Variants in MMRN1 observed in about 807,000 individuals in gnomAD.
MMRN1 encodes the protein multimerin 1.
In MMRN1, 94 loss-of-function variants were observed where a neutral mutation model predicts 100.7. The observed-to-expected ratio is 0.93, with a 90% CI of 0.79 to 1.11. The LOEUF is 1.11. Among genes scored for constraint, MMRN1 ranks in the 50% least tolerant of loss-of-function variants. MMRN1 has a pLI of 0.00. For missense variants in MMRN1, 1,606 were observed against 1,439.1 expected, an observed-to-expected ratio of 1.12 and a Z score of -1.88; for synonymous variants, 575 against 505.0, an observed-to-expected ratio of 1.14 and a Z score of -1.86.
Position 89,935,120 on chromosome 4 carries a change from A to G in MMRN1, c.1440A>G (p.Glu480=). The part of the protein sequence containing the change: ...MTLTCEKPIK[E]LEVKQTHLEG... ...TTACATGTGAGAAGCCTATTAAAGAACTAGAAGTAAAGCAGACTCATTTAG... is the reference window on the plus strand; with the variant it reads ...TTACATGTGAGAAGCCTATTAAAGAGCTAGAAGTAAAGCAGACTCATTTAG... The change falls in exon 6 of 8, where the codon GAA becomes GAG. Residue 480 remains glutamate (E), a synonymous_variant. Coordinates refer to ENST00000264790, the MANE Select transcript of MMRN1 (RefSeq NM_007351.3). 2 of 1,613,706 alleles carry G rather than the reference A, an allele frequency of 1.2e-6. No homozygotes were observed. The highest frequency in any genetic ancestry group is 3.3e-4 in the Middle Eastern group (2 of 6,054).
At position 89,913,745 on chromosome 4, in the gene MMRN1, A is replaced by C. The variant is rs140131859; in HGVS notation, c.850+1695A>C. ...CATTGTATTAATTTCCAGTGGCAAA[A>C]ATGTCCCAGAACAGTTCTGATTATG... On this transcript the variant is annotated intron_variant, in intron 3 of 7. Coordinates refer to ENST00000264790, the MANE Select transcript of MMRN1 (RefSeq NM_007351.3). Among the ~76,000 whole-genome samples, 576 of 151,328 alleles carry C rather than the reference A, an allele frequency of 3.8e-3. 4 individuals carry two copies. Among genetic ancestry groups the C allele is most frequent in the African/African-American group, 0.013 (545 of 41,440 alleles).
At chr4:89,888,160 T>A (rs562874388) in intron 1 of MMRN1, among the ~76,000 whole-genome samples, 12 of 152,144 alleles carry the variant, frequency 7.9e-5, no homozygotes, top group Non-Finnish European at 1.5e-4. Context: ...CTTGTCAATC[T>A]AGCTCCATTT....
chr4:89,948,131 C>T (rs1354214179), intron 6 of MMRN1, among the ~76,000 whole-genome samples: 3 of 152,150 alleles, frequency 2.0e-5, no homozygotes, highest in African/African-American at 4.8e-5. Flanking sequence ...GGATTACAGG[C>T]GTGAGCCACC....
At chr4:89,883,325 A>G (rs1036049048) in intron 1 of MMRN1, among the ~76,000 whole-genome samples, 2 of 152,066 alleles carry the variant, frequency 1.3e-5, no homozygotes, top group African/African-American at 4.8e-5. Context: ...CAATTCTCCA[A>G]AGTGGTGGTA....
intron 5 of MMRN1, among the ~76,000 whole-genome samples, chr4:89,929,759 G>T (rs187854528): frequency 5.9e-5 from 9 of 152,198 alleles, no homozygotes; most frequent in Admixed American, 5.9e-4. Context: ...GAACCAGAGG[G>T]CTTGTAGTTA....
intron 4 of MMRN1, among the ~76,000 whole-genome samples, chr4:89,924,245 A>G (rs2110616141): frequency 6.6e-6 from 1 of 152,296 alleles, no homozygotes; most frequent in East Asian, 1.9e-4. Flanking sequence ...ACTGCGAGCA[A>G]GTTATTTTGG....
chr4:89,925,456 A>T (rs1296389951), intron 4 of MMRN1, among the ~76,000 whole-genome samples: 1 of 147,668 alleles, frequency 6.8e-6, no homozygotes, highest in Non-Finnish European at 1.5e-5. Context: ...GTCTCTAACA[A>T]TTTTTTTATA....
At chr4:89,921,303 C>G (rs1013885635) in intron 3 of MMRN1, among the ~76,000 whole-genome samples, 1 of 152,006 alleles carries the variant, frequency 6.6e-6, no homozygotes, top group African/African-American at 2.4e-5. Flanking sequence ...ATTAATAGAT[C>G]TAAGGTGGGA....
chr4:89,950,743 G>A (rs563948698), intron 6 of MMRN1, among the ~76,000 whole-genome samples: 3 of 151,870 alleles, frequency 2.0e-5, no homozygotes, highest in Admixed American at 2.0e-4. Flanking sequence ...TAAAAAATTA[G>A]AGATGGGGTA....
chr4:89,898,044 C>T (rs1442133), intron 1 of MMRN1, among the ~76,000 whole-genome samples: 63,842 of 151,888 alleles, frequency 0.42, 13,801 homozygotes, highest in Admixed American at 0.47. Context: ...TTTTAGTAAT[C>T]CTTTCCATTA....
At chr4:89,943,981 CAA>C (rs543952532) in intron 6 of MMRN1, among the ~76,000 whole-genome samples, 2 of 125,816 alleles carry the variant, frequency 1.6e-5, no homozygotes, top group Admixed American at 1.6e-4. Context: ...GACTCTGTCT[CAA>C]AAAAAAAAAA....
intron 4 of MMRN1, among the ~76,000 whole-genome samples, 197 bp from the exon 5 acceptor site, chr4:89,927,598 C>A (rs951217237): frequency 3.3e-5 from 5 of 152,010 alleles, no homozygotes; most frequent in Non-Finnish European, 5.9e-5. Context: ...ATTTGAATGC[C>A]CTTTATTCCT....
intron 6 of MMRN1, among the ~76,000 whole-genome samples, chr4:89,950,027 C>A (rs1234905637): frequency 6.6e-6 from 1 of 152,162 alleles, no homozygotes; most frequent in Non-Finnish European, 1.5e-5. Flanking sequence ...ATTCTTCTGA[C>A]CTTGTTTCTG....
intron 1 of MMRN1, among the ~76,000 whole-genome samples, chr4:89,896,276 G>A (rs905876524): frequency 6.6e-6 from 1 of 152,128 alleles, no homozygotes; most frequent in African/African-American, 2.4e-5. Context: ...AATTTTGCTA[G>A]TACCATGATT....
At chr4:89,937,475 T>A (rs1722683230) in intron 6 of MMRN1, among the ~76,000 whole-genome samples, 1 of 152,108 alleles carries the variant, frequency 6.6e-6, no homozygotes, top group South Asian at 2.1e-4. Flanking sequence ...TGAGAAATGT[T>A]GGAAAGTTCC....
Position 89,915,920 on chromosome 4 carries a change from T to C in MMRN1, c.850+3870T>C, listed in dbSNP as rs1392394607. On this transcript the variant is annotated intron_variant, in intron 3 of 7. Coordinates refer to ENST00000264790, the MANE Select transcript of MMRN1 (RefSeq NM_007351.3). ...CTGTATGGAACAAAGCAAAGGTCTG[T>C]GCTCAAGTGAAAGACAGATTGCTTG... is the stretch of plus-strand genomic sequence containing the variant. Among the ~76,000 whole-genome samples the C allele has an allele frequency of 2.6e-5, 4 of 151,718 alleles. No homozygotes were observed. The East Asian group carries it at 5.8e-4, about 22-fold the overall frequency.
At chr4:89,927,550 C>T (rs1385727971) in intron 4 of MMRN1, among the ~76,000 whole-genome samples, 3 of 152,044 alleles carry the variant, frequency 2.0e-5, no homozygotes, top group South Asian at 2.1e-4. Flanking sequence ...AAGGTCATAT[C>T]ATCTGCAGAG....
intron 5 of MMRN1, among the ~76,000 whole-genome samples, chr4:89,932,534 C>T (rs933942362): frequency 6.6e-6 from 1 of 152,204 alleles, no homozygotes; most frequent in Admixed American, 6.5e-5. Context: ...GAAGGCTGTG[C>T]CCCTGCCTGC....
chr4:89,935,867 T>C lies in MMRN1; in HGVS notation c.2187T>C (p.Asn729=). The C allele has an allele frequency of 6.2e-7, 1 of 1,611,904 alleles. No homozygotes were observed. The highest frequency in any genetic ancestry group is 8.5e-7 in the Non-Finnish European group (1 of 1,178,976). The part of the protein sequence containing the change: ...EYALEMEDGL[N]KTMTIINNAI... Reference sequence around the variant, plus strand: ...CCTTAGAAATGGAAGATGGCCTCAATAAGACAATGACTATTATAAATAATG... The same window carrying C: ...CCTTAGAAATGGAAGATGGCCTCAACAAGACAATGACTATTATAAATAATG... Residue 729 remains asparagine (N), a synonymous_variant, in exon 6 of 8, where the codon AAT becomes AAC. Coordinates refer to ENST00000264790, the MANE Select transcript of MMRN1 (RefSeq NM_007351.3).
Sources: allele counts gnomAD v4.1 joint callset (sites outside exome capture counted in the v4.1 genomes callset), GRCh38; gene constraint gnomAD v4.1.1; transcripts MANE v1.5; gene names NCBI Gene and HGNC (gene_info 2026-07-23, HGNC 2026-07-21).